ARHGEF12: variants seen among roughly 807,000 people sequenced by gnomAD.
The protein encoded by ARHGEF12 is Rho guanine nucleotide exchange factor 12, also known as KMT2A/ARHGEF12 fusion protein.
A neutral mutation model predicts 211.2 loss-of-function variants in ARHGEF12; 66 were observed. The observed-to-expected ratio is 0.31, with a 90% CI of 0.26 to 0.38. The LOEUF (loss-of-function observed/expected upper bound fraction) is 0.38. Among genes scored for constraint, ARHGEF12 ranks in the 10% least tolerant of loss-of-function variants. The pLI is 1.00. For missense variants in ARHGEF12, 1,429 were observed against 1,869.5 expected, an observed-to-expected ratio of 0.76 and a Z score of 4.34; for synonymous variants, 592 against 638.4, an observed-to-expected ratio of 0.93 and a Z score of 1.09.
At chr11:120,452,766 C>T (rs867693393) in intron 22 of ARHGEF12, among the ~76,000 whole-genome samples, 59 of 152,170 alleles carry the variant, frequency 3.9e-4, no homozygotes, top group African/African-American at 1.1e-3. Context: ...GAGGCTGAGG[C>T]GGGTGGATCA....
intron 1 of ARHGEF12, among the ~76,000 whole-genome samples, chr11:120,364,686 A>G (rs1039742717): frequency 4.6e-5 from 7 of 152,238 alleles, no homozygotes; most frequent in African/African-American, 1.2e-4. Flanking sequence ...GACATTTTCA[A>G]GTAAACCTTA....
intron 17 of ARHGEF12, 103 bp downstream of exon 17, chr11:120,446,611 C>G (rs1946055121): frequency 4.8e-6 from 4 of 839,920 alleles, no homozygotes; most frequent in Non-Finnish European, 5.5e-6. Flanking sequence ...CTAGATAAAC[C>G]ATATGGTCTT....
chr11:120,385,927 CAA>C, intron 1 of ARHGEF12, among the ~76,000 whole-genome samples: 4 of 152,064 alleles, frequency 2.6e-5, no homozygotes, highest in African/African-American at 9.6e-5. Context: ...CTTTGATACC[CAA>C]GAGACCATGG....
At position 120,462,346 on chromosome 11, in the gene ARHGEF12, G is replaced by A. The variant is rs574795514; in HGVS notation, c.2613+1589G>A. Among the ~76,000 whole-genome samples, 8 of 152,328 alleles carry A rather than the reference G, an allele frequency of 5.3e-5. No homozygotes were observed. The South Asian group carries it at 1.0e-3, about 20-fold the overall frequency. ...TTTTCCATTAGGTTTGCCACCATAT[G>A]TGGGTGCAGTTCATGGTGCCCCAAA... On this transcript the variant is annotated intron_variant, in intron 27 of 40. Transcript: ENST00000397843.
At chr11:120,375,575 G>A (rs1216948269) in intron 1 of ARHGEF12, among the ~76,000 whole-genome samples, 1 of 143,588 alleles carries the variant, frequency 7.0e-6, no homozygotes, top group Non-Finnish European at 1.5e-5. Flanking sequence ...TAAATAAAAA[G>A]TTTGTTTTTG....
At chr11:120,353,971 C>T (rs1943063700) in intron 1 of ARHGEF12, among the ~76,000 whole-genome samples, 1 of 152,136 alleles carries the variant, frequency 6.6e-6, no homozygotes, top group African/African-American at 2.4e-5. Context: ...GGGGGAATCA[C>T]AGCAGGATAC....
At chr11:120,447,394 A>G in intron 18 of ARHGEF12, 1 of 272,166 alleles carries the variant, frequency 3.7e-6, no homozygotes. Flanking sequence ...GCCATGAAGC[A>G]TATACAGTTG....
intron 1 of ARHGEF12, among the ~76,000 whole-genome samples, chr11:120,382,098 T>C (rs1193879798): frequency 6.6e-6 from 1 of 152,250 alleles, no homozygotes; most frequent in Non-Finnish European, 1.5e-5. Flanking sequence ...TTAAAGGCCA[T>C]TGTAGTTACT....
intron 1 of ARHGEF12, among the ~76,000 whole-genome samples, chr11:120,363,106 T>TA (rs1297928171): frequency 6.6e-6 from 1 of 151,480 alleles, no homozygotes; most frequent in Non-Finnish European, 1.5e-5. Flanking sequence ...TCTCAAAAAA[T>TA]AAAAAAAGAA....
rs1942382398 is a variant in ARHGEF12, at chr11:120,337,360, C to T, written c.32+85C>T. 6 of 1,599,712 alleles carry T rather than the reference C, an allele frequency of 3.8e-6. No individual in the cohort carries two copies. The South Asian group carries it at 6.7e-5, about 18-fold the overall frequency. On this transcript the variant is annotated intron_variant, in intron 1 of 40. Coordinates refer to ENST00000397843, the MANE Select transcript of ARHGEF12 (RefSeq NM_015313.3). ...GTCGGTGATTGCAGATTGCCTTTGG[C>T]CAGCGAAGTTGACAGGCAGAGGAAA...
intron 12 of ARHGEF12, chr11:120,439,859 A>G: frequency 2.8e-6 from 1 of 355,652 alleles, no homozygotes; most frequent in East Asian, 5.2e-5. Flanking sequence ...CCAAGTGTAT[A>G]GTGAGCAAAG....
intron 32 of ARHGEF12, 68 bp from the exon 33 acceptor site, chr11:120,475,272 A>G (rs1052498681): frequency 2.1e-6 from 3 of 1,415,472 alleles, no homozygotes; most frequent in East Asian, 4.6e-5. Context: ...CTGTTGAATC[A>G]TTATAAAGTT....
chr11:120,486,826 CTG>C lies in ARHGEF12; in HGVS notation c.*1753_*1754del. The C allele has an allele frequency of 9.2e-6, 2 of 216,540 alleles. No individual in the cohort carries two copies. The highest frequency in any genetic ancestry group is 1.9e-4 in the South Asian group (1 of 5,372). The allele number at this position is 216,540 out of a possible 1,614,324, so 13.4% of individuals were successfully genotyped here. ...ATTTCTGTTTCTGTCCTAAATTGAT[CTG>C]TGTTTTTAGGTGGATCAACTTGGAT... On this transcript the variant is annotated 3_prime_UTR_variant, in exon 41 of 41. Transcript: ENST00000397843.
At chr11:120,444,315 T>C (rs1945977989) in intron 15 of ARHGEF12, among the ~76,000 whole-genome samples, 1 of 151,816 alleles carries the variant, frequency 6.6e-6, no homozygotes. Flanking sequence ...TACATTTTGC[T>C]ACACATGATC....
At chr11:120,467,822 A>G (rs916361759) in intron 29 of ARHGEF12, among the ~76,000 whole-genome samples, 18 of 152,108 alleles carry the variant, frequency 1.2e-4, no homozygotes, top group African/African-American at 4.3e-4. Flanking sequence ...GGGTATATCA[A>G]ACTATGAATC....
intron 1 of ARHGEF12, among the ~76,000 whole-genome samples, chr11:120,390,213 C>T (rs1944169651): frequency 6.6e-6 from 1 of 152,176 alleles, no homozygotes; most frequent in South Asian, 2.1e-4. Flanking sequence ...GTTTCCTGGT[C>T]AAAGCCTACC....
intron 22 of ARHGEF12, among the ~76,000 whole-genome samples, chr11:120,455,225 G>C (rs1054365165): frequency 4.6e-5 from 7 of 152,164 alleles, no homozygotes; most frequent in African/African-American, 1.7e-4. Context: ...AAGTTTCCCA[G>C]AGTTGAAAAA....
intron 1 of ARHGEF12, among the ~76,000 whole-genome samples, chr11:120,340,393 G>T (rs994767836): frequency 2.0e-5 from 3 of 152,144 alleles, no homozygotes; most frequent in Non-Finnish European, 4.4e-5. Flanking sequence ...TTTGGCTAGG[G>T]CTTATGAATT....
intron 1 of ARHGEF12, among the ~76,000 whole-genome samples, chr11:120,397,196 G>A (rs375624208): frequency 6.6e-6 from 1 of 152,134 alleles, no homozygotes; most frequent in Non-Finnish European, 1.5e-5. Context: ...CACCGATTTC[G>A]TGCCACACTT....
Sources: allele counts gnomAD v4.1 joint callset (sites outside exome capture counted in the v4.1 genomes callset), GRCh38; gene constraint gnomAD v4.1.1; transcripts MANE v1.5; gene names NCBI Gene and HGNC (gene_info 2026-07-23, HGNC 2026-07-21).